DAPK2: variants seen among roughly 807,000 people sequenced by gnomAD.
The protein encoded by DAPK2 is death-associated protein kinase 2.
DAPK2 carries 35 observed loss-of-function variants against 44.1 expected under a neutral mutation model. The observed-to-expected ratio is 0.79, with a 90% CI of 0.61 to 1.05. DAPK2 has a LOEUF of 1.05. Ranked by LOEUF, DAPK2 falls within the 50% of genes least tolerant of loss-of-function variation. The pLI is 0.00. For missense variants in DAPK2, 453 were observed against 483.2 expected (o/e 0.94, Z 0.59); for synonymous variants, 174 against 182.6 (o/e 0.95, Z 0.38).
chr15:64,010,471 T>C (rs574455742), intron 1 of DAPK2, among the ~76,000 whole-genome samples: 501 of 152,312 alleles, frequency 3.3e-3, no homozygotes, highest in Non-Finnish European at 4.5e-3. Context: ...AGCATAGGTA[T>C]AGGCATGGGG....
chr15:63,924,715 C>A lies in DAPK2; in HGVS notation c.858+101G>T, dbSNP rs545347321. The A allele has an allele frequency of 8.9e-6, 12 of 1,348,710 alleles. No homozygotes were observed. In the East Asian group the frequency reaches 2.3e-4, roughly 26 times the overall value. The allele number at this position is 1,348,710 out of a possible 1,614,324, so 83.5% of individuals were successfully genotyped here. On this transcript the variant is annotated intron_variant, in intron 8 of 10. Coordinates refer to ENST00000261891, the Ensembl canonical transcript of DAPK2. ...CTGTGCCCAGGGTCAGTGTTTAAAG[C>A]AAAGGCCTCTCCATGGGCCCTCTGC... is the stretch of plus-strand genomic sequence containing the variant.
At chr15:63,928,191 C>A (rs952393219) in intron 6 of DAPK2, 2 of 152,588 alleles carry the variant, frequency 1.3e-5, no homozygotes, top group African/African-American at 4.8e-5. Context: ...TAAGTCCCTA[C>A]CCCTAGCAAT....
At chr15:63,946,464 G>A (rs1018021589) in intron 3 of DAPK2, among the ~76,000 whole-genome samples, 2 of 152,212 alleles carry the variant, frequency 1.3e-5, no homozygotes, top group East Asian at 1.9e-4. Flanking sequence ...TATAAAATGG[G>A]GGCAAAACCT....
chr15:63,991,794 G>T (rs2078826543), intron 1 of DAPK2, among the ~76,000 whole-genome samples: 1 of 152,148 alleles, frequency 6.6e-6, no homozygotes, highest in South Asian at 2.1e-4. Flanking sequence ...CTTTTAGGAA[G>T]TCACTCCAAC....
At chr15:63,946,194 G>A (rs976262835) in intron 3 of DAPK2, among the ~76,000 whole-genome samples, 4 of 152,252 alleles carry the variant, frequency 2.6e-5, no homozygotes, top group African/African-American at 9.6e-5. Context: ...AGAGGCCAAC[G>A]TGCTCCTTTG....
intron 8 of DAPK2, chr15:63,922,728 C>A: frequency 2.0e-6 from 3 of 1,509,392 alleles, no homozygotes; most frequent in South Asian, 2.5e-5. Context: ...TGACTGGATT[C>A]TGGCGATTAG....
rs2078815506 is a variant in DAPK2, at chr15:63,991,438, C to T, written c.93-7684G>A. ...GCCCCTCGTTTCATGAGCCTGTTTC[C>T]CCTCCCTGACCTTGTTGCTACTGTC... On this transcript the variant is annotated intron_variant, in intron 1 of 10. Coordinates refer to ENST00000261891, the Ensembl canonical transcript of DAPK2. 4 of 414,406 alleles carry T rather than the reference C, an allele frequency of 9.7e-6. No homozygotes were observed. In the Admixed American group the frequency reaches 1.1e-4, roughly 11 times the overall value. The allele number at this position is 414,406 out of a possible 1,614,324, so 25.7% of individuals were successfully genotyped here.
intron 1 of DAPK2, among the ~76,000 whole-genome samples, chr15:63,999,807 C>A (rs1027553130): frequency 2.0e-5 from 3 of 151,722 alleles, no homozygotes; most frequent in African/African-American, 7.3e-5. Context: ...ACTCTGTTGC[C>A]CCAGCTGGAG....
At chr15:63,994,658 C>T (rs1367056570) in intron 1 of DAPK2, among the ~76,000 whole-genome samples, 2 of 148,510 alleles carry the variant, frequency 1.3e-5, no homozygotes, top group South Asian at 2.1e-4. Context: ...GGCTCCATCT[C>T]GGCTCACTGC....
intron 1 of DAPK2, among the ~76,000 whole-genome samples, chr15:64,021,179 C>A (rs780055812): frequency 6.6e-6 from 1 of 152,204 alleles, no homozygotes; most frequent in Non-Finnish European, 1.5e-5. Context: ...TGGAAGTAGG[C>A]ACTTCAGTGG....
intron 1 of DAPK2, among the ~76,000 whole-genome samples, chr15:64,001,837 C>T (rs759178030): frequency 5.9e-5 from 9 of 152,164 alleles, no homozygotes; most frequent in Admixed American, 1.3e-4. Context: ...GAAAATATTA[C>T]GGCAAGGCCC....
intron 1 of DAPK2, among the ~76,000 whole-genome samples, chr15:63,999,887 T>A (rs1407352804): frequency 2.0e-5 from 3 of 151,996 alleles, no homozygotes; most frequent in Non-Finnish European, 4.4e-5. Flanking sequence ...TACCTCAGCC[T>A]CCTGAGTAGG....
At chr15:64,004,521 G>A (rs1034212749) in intron 1 of DAPK2, among the ~76,000 whole-genome samples, 1 of 152,204 alleles carries the variant, frequency 6.6e-6, no homozygotes, top group Non-Finnish European at 1.5e-5. Context: ...GGGCAGCTTG[G>A]TTTAGACAAG....
intron 1 of DAPK2, among the ~76,000 whole-genome samples, chr15:64,021,960 G>C (rs2079695171): frequency 6.6e-6 from 1 of 152,158 alleles, no homozygotes; most frequent in Non-Finnish European, 1.5e-5. Flanking sequence ...GACTAAGTTG[G>C]TCACATCACT....
chr15:63,984,355 G>A (rs1045704142), intron 1 of DAPK2, among the ~76,000 whole-genome samples: 4 of 152,204 alleles, frequency 2.6e-5, no homozygotes, highest in African/African-American at 9.6e-5. Flanking sequence ...AAGCCTCTGA[G>A]ATAGTTAGAG....
chr15:63,911,842 T>C, intron 10 of DAPK2, 66 bp downstream of exon 11: 1 of 1,520,694 alleles, frequency 6.6e-7, no homozygotes, highest in Non-Finnish European at 9.0e-7. Flanking sequence ...GAAAGGGAAC[T>C]CACCCATCCC....
chr15:63,994,738 C>T (rs771761392), intron 1 of DAPK2, among the ~76,000 whole-genome samples: 36 of 151,924 alleles, frequency 2.4e-4, no homozygotes, highest in Non-Finnish European at 4.6e-4. Flanking sequence ...TACAGGCATC[C>T]GCCACCATGC....
intron 2 of DAPK2, among the ~76,000 whole-genome samples, chr15:63,975,944 A>C (rs1018880309): frequency 6.6e-6 from 1 of 152,170 alleles, no homozygotes; most frequent in Admixed American, 6.5e-5. Flanking sequence ...TTTGGGGATC[A>C]TTCCCTGCCC....
At chr15:63,986,456 G>A (rs1222841128) in intron 1 of DAPK2, among the ~76,000 whole-genome samples, 3 of 152,078 alleles carry the variant, frequency 2.0e-5, no homozygotes, top group Non-Finnish European at 4.4e-5. Context: ...ATGGGGTCTG[G>A]CTCTGCTGCC....
Sources: gnomAD v4.1 joint callset for allele counts (sites outside exome capture counted in the v4.1 genomes callset) on GRCh38, gnomAD v4.1.1 for gene constraint, MANE v1.5 for transcripts, NCBI Gene and HGNC (gene_info 2026-07-23, HGNC 2026-07-21) for gene names.